INPP5A: variants seen among roughly 807,000 people sequenced by gnomAD.
INPP5A encodes the protein 43 kDa inositol polyphosphate 5-phophatase.
In INPP5A, 14 loss-of-function variants were observed where a neutral mutation model predicts 65.2. That is an observed-to-expected ratio of 0.21 (90% confidence interval 0.14 to 0.34). INPP5A has a LOEUF of 0.34. Among genes scored for constraint, INPP5A ranks in the 10% least tolerant of loss-of-function variants. The pLI, the probability that INPP5A is intolerant of heterozygous loss-of-function variation, is 1.00. For missense variants in INPP5A, 431 were observed against 545.6 expected, an observed-to-expected ratio of 0.79 and a Z score of 2.09; for synonymous variants, 207 against 208.3, an observed-to-expected ratio of 0.99 and a Z score of 0.05.
chr10:132,751,737 C>T (rs1208932356), intron 11 of INPP5A, among the ~76,000 whole-genome samples: 2 of 145,442 alleles, frequency 1.4e-5, no homozygotes, highest in African/African-American at 2.7e-5. Flanking sequence ...CAGGCAGGTG[C>T]CCAGGAGGTG....
intron 1 of INPP5A, among the ~76,000 whole-genome samples, chr10:132,552,768 C>T (rs1344173865): frequency 7.1e-6 from 1 of 141,636 alleles, no homozygotes; most frequent in African/African-American, 2.7e-5. Flanking sequence ...TTCTCAGAGC[C>T]TTGGGGGAAT....
chr10:132,564,921 C>A (rs2071254369), intron 1 of INPP5A, among the ~76,000 whole-genome samples: 2 of 152,180 alleles, frequency 1.3e-5, no homozygotes, highest in African/African-American at 4.8e-5. Context: ...GGGCTCTGGG[C>A]TGTGCTTGGG....
chr10:132,632,303 G>A (rs1393485537), intron 2 of INPP5A, among the ~76,000 whole-genome samples: 1 of 152,246 alleles, frequency 6.6e-6, no homozygotes, highest in African/African-American at 2.4e-5. Context: ...AGAGCTCTGT[G>A]TGTGTCCCTG....
At chr10:132,679,351 C>T (rs923276338) in intron 4 of INPP5A, among the ~76,000 whole-genome samples, 6 of 152,010 alleles carry the variant, frequency 3.9e-5, no homozygotes, top group African/African-American at 1.5e-4. Context: ...CCTGAAAGGT[C>T]GGACTTGTCA....
intron 6 of INPP5A, among the ~76,000 whole-genome samples, chr10:132,701,846 C>T (rs1484003460): frequency 1.3e-5 from 2 of 152,208 alleles, no homozygotes; most frequent in African/African-American, 2.4e-5. Context: ...GGAATTGGGG[C>T]GGTGGTTCCC....
At chr10:132,737,359 C>T (rs896112127) in intron 9 of INPP5A, among the ~76,000 whole-genome samples, 2 of 152,236 alleles carry the variant, frequency 1.3e-5, no homozygotes, top group African/African-American at 2.4e-5. Flanking sequence ...GAAAGATGCA[C>T]ACAGCCCCAT....
chr10:132,714,496 G>A (rs1191726862), intron 8 of INPP5A, among the ~76,000 whole-genome samples: 1 of 152,186 alleles, frequency 6.6e-6, no homozygotes, highest in African/African-American at 2.4e-5. Flanking sequence ...CTGCCCCGCA[G>A]GGAGACAGCG....
At chr10:132,740,630 C>T (rs956939963) in intron 9 of INPP5A, among the ~76,000 whole-genome samples, 6 of 152,208 alleles carry the variant, frequency 3.9e-5, no homozygotes, top group Non-Finnish European at 8.8e-5. Context: ...TTTTAGAAAT[C>T]CTTTTCTACT....
At chr10:132,670,843 C>CTTTTTTTT (rs11289296) in intron 4 of INPP5A, among the ~76,000 whole-genome samples, 2 of 117,018 alleles carry the variant, frequency 1.7e-5, no homozygotes, top group African/African-American at 3.2e-5. Context: ...GTCTTTCTTT[C>CTTTTTTTT]TTTTTTTTTT....
At position 132,741,300 on chromosome 10, in the gene INPP5A, A is replaced by G. The variant is rs997104258; in HGVS notation, c.733-8217A>G. Among the ~76,000 whole-genome samples, 3 of 152,188 alleles carry G rather than the reference A, an allele frequency of 2.0e-5. No homozygotes were observed. Among genetic ancestry groups the G allele is most frequent in the African/African-American group, 7.2e-5 (3 of 41,446 alleles). On this transcript the variant is annotated intron_variant, in intron 9 of 15. Transcript: ENST00000368594. The surrounding 1 kb of genome is among the most constrained non-coding windows in gnomAD (Gnocchi z 4.4). ...GCCTGTCTTGGGTTGACAGCATGAG[A>G]TGGGCTGGCCAGATCTCCGCAGCCT...
rs546466915 is a variant in INPP5A at position 132,756,767 on chromosome 10, C to T, written c.903+6922C>T. On this transcript the variant is annotated intron_variant, in intron 11 of 15. Transcript: ENST00000368594. The stretch of plus-strand genomic sequence containing the variant: ...TGTAAACAGCCTCAGGCAGGTCCTT[C>T]AGGCAGGTCCACGGAGAAGAAGGCG... Among the ~76,000 whole-genome samples, 6 of 152,384 alleles carry T rather than the reference C, an allele frequency of 3.9e-5. 1 individual carries two copies. The East Asian group carries it at 1.2e-3, about 29-fold the overall frequency.
At position 132,546,728 on chromosome 10, in the gene INPP5A, A is replaced by T. The variant is rs1028475167; in HGVS notation, c.75+8557A>T. Among the ~76,000 whole-genome samples the T allele has an allele frequency of 6.6e-6, 1 of 151,932 alleles. No homozygotes were observed. The highest frequency in any genetic ancestry group is 2.4e-5 in the African/African-American group (1 of 41,350). ...CTGCCCCTCTTCCTGGGTGCACTGC[A>T]TACCCCGGGCCCCCTGGGCTCTGGC... On this transcript the variant is annotated intron_variant, in intron 1 of 15. Transcript: ENST00000368594. The surrounding 1 kb of genome is among the most constrained non-coding windows in gnomAD (Gnocchi z 5.7).
chr10:132,612,226 G>A (rs1298225811), intron 2 of INPP5A, among the ~76,000 whole-genome samples: 1 of 129,154 alleles, frequency 7.7e-6, no homozygotes, highest in Non-Finnish European at 1.6e-5. Flanking sequence ...GCAGGGGAGA[G>A]GCCCTGTCGG....
chr10:132,704,524 C>G lies in INPP5A; in HGVS notation c.475-3789C>G, dbSNP rs928638728. On this transcript the variant is annotated intron_variant, in intron 6 of 15. Coordinates refer to ENST00000368594, the MANE Select transcript of INPP5A (RefSeq NM_005539.5). This position sits in a 1 kb window ranked among gnomAD's most constrained non-coding sequence, Gnocchi z 4.5. ...CGCAGAGCCACCCCTCGCAGCCCGC[C>G]GGCAACATGGGCTCTGTCCTCCCCT... Among the ~76,000 whole-genome samples, 1 of 152,226 alleles carries G rather than the reference C, an allele frequency of 6.6e-6. No homozygotes were observed. The highest frequency in any genetic ancestry group is 1.5e-5 in the Non-Finnish European group (1 of 68,038).
At chr10:132,601,982 G>A (rs2814455) in intron 1 of INPP5A, among the ~76,000 whole-genome samples, 37,483 of 152,046 alleles carry the variant, frequency 0.25, 5,455 homozygotes, top group East Asian at 0.5. Context: ...GAATTTTAGC[G>A]TGGACTTTTC....
At chr10:132,654,012 A>G (rs1384731240) in intron 4 of INPP5A, among the ~76,000 whole-genome samples, 1 of 152,224 alleles carries the variant, frequency 6.6e-6, no homozygotes, top group Non-Finnish European at 1.5e-5. Context: ...GATGTCTGAA[A>G]CCAGGGTGCG....
In INPP5A at chr10:132,549,198, GT is replaced by G. The variant is rs539136659; in HGVS notation, c.75+11030del. Among the ~76,000 whole-genome samples, 17 of 152,284 alleles carry G rather than the reference GT, an allele frequency of 1.1e-4. 1 individual carries two copies. In the South Asian group the frequency reaches 3.5e-3, roughly 32 times the overall value. ...TCGGGGCTATCGTGGCTAGTGTACT[GT>G]TTGTGAATATGCACGTGCCTGTGTG... On this transcript the variant is annotated intron_variant, in intron 1 of 15. Transcript: ENST00000368594. The surrounding 1 kb of genome is among the most constrained non-coding windows in gnomAD (Gnocchi z 4.9).
Position 132,688,530 on chromosome 10 carries a change from G to C in INPP5A, c.307-1862G>C, listed in dbSNP as rs1269898073. On this transcript the variant is annotated intron_variant, in intron 4 of 15. Coordinates refer to ENST00000368594, the MANE Select transcript of INPP5A (RefSeq NM_005539.5). The stretch of plus-strand genomic sequence containing the variant: ...AGCATCTCAGCAGGAGGTCCACACT[G>C]GGGCACTCAGAACTGCAGGGTTGTG... Among the ~76,000 whole-genome samples the C allele has an allele frequency of 3.3e-5, 5 of 152,360 alleles. No individual in the cohort carries two copies. In the East Asian group the frequency reaches 7.7e-4, roughly 23 times the overall value.
At chr10:132,681,446 A>G (rs975351359) in intron 4 of INPP5A, among the ~76,000 whole-genome samples, 11 of 152,078 alleles carry the variant, frequency 7.2e-5, no homozygotes, top group Admixed American at 2.6e-4. Flanking sequence ...AACCCACCAG[A>G]AGGAAGAAAC....
Sources: gnomAD v4.1 joint callset for allele counts (sites outside exome capture counted in the v4.1 genomes callset) on GRCh38, gnomAD v4.1.1 for gene constraint, Gnocchi (gnomAD v3.1) non-coding constraint, MANE v1.5 for transcripts, NCBI Gene and HGNC (gene_info 2026-07-23, HGNC 2026-07-21) for gene names.